Variants in GALE observed in about 807,000 individuals in gnomAD.
The protein encoded by GALE is UDP-glucose 4-epimerase.
In GALE, 32 loss-of-function variants were observed where a neutral mutation model predicts 44.1. The ratio of observed to expected loss-of-function variants is 0.73; its 90% CI spans 0.55 to 0.97. GALE has a LOEUF of 0.97. Ranked by LOEUF, GALE falls within the 50% of genes least tolerant of loss-of-function variation. The pLI is 0.00. For synonymous variants in GALE, 182 were observed against 183.5 expected (o/e 0.99, Z 0.06); for missense variants, 423 against 455.6 (o/e 0.93, Z 0.65).
Position 23,798,020 on chromosome 1 carries a change from G to T in GALE, c.351+97C>A. 1 of 1,320,838 alleles carries T rather than the reference G, an allele frequency of 7.6e-7. No individual in the cohort carries two copies. Among genetic ancestry groups the T allele is most frequent in the South Asian group, 1.2e-5 (1 of 85,070 alleles). 81.8% of individuals were successfully genotyped at this position (1,320,838 alleles called of 1,614,324 possible). ...CTGGGAGGTAAAGACATGAGTCCAGGATGATACAGCTTGGGCTCTGTGTTT... is the reference window on the plus strand; with the variant it reads ...CTGGGAGGTAAAGACATGAGTCCAGTATGATACAGCTTGGGCTCTGTGTTT... On this transcript the variant is annotated intron_variant, in intron 5 of 11. Transcript: ENST00000617979. The surrounding 1 kb of genome is among the most constrained non-coding windows in gnomAD (Gnocchi z 4.5).
At position 23,796,606 on chromosome 1, in the gene GALE, G is replaced by A. The variant is rs1321761968; in HGVS notation, c.796-20C>T. On this transcript the variant is annotated intron_variant, in intron 9 of 11. Coordinates refer to ENST00000617979, the MANE Select transcript of GALE (RefSeq NM_001008216.2). This position sits in a 1 kb window ranked among gnomAD's most constrained non-coding sequence, Gnocchi z 5.2. The stretch of plus-strand genomic sequence containing the variant: ...GTAGATCTGGCCCACGGAGAACAGG[G>A]TTTATGGAGCGGGCTGGACTGACCA... The A allele has an allele frequency of 6.2e-7, 1 of 1,613,996 alleles. No homozygotes were observed. Among genetic ancestry groups the A allele is most frequent in the Non-Finnish European group, 8.5e-7 (1 of 1,179,988 alleles).
Position 23,798,002 on chromosome 1 carries a change from G to T in GALE, c.351+115C>A. On this transcript the variant is annotated intron_variant, in intron 5 of 11. Transcript: ENST00000617979. The surrounding 1 kb of genome is among the most constrained non-coding windows in gnomAD (Gnocchi z 4.5). ...CAGATGGGGAAACTGAGACTGGGAG[G>T]TAAAGACATGAGTCCAGGATGATAC... 7.6e-7 allele frequency: 1 copy of T among 1,311,438 alleles called. No homozygotes were observed. Among genetic ancestry groups the T allele is most frequent in the Admixed American group, 1.7e-5 (1 of 58,728 alleles). 81.2% of individuals were successfully genotyped at this position (1,311,438 alleles called of 1,614,324 possible).
chr1:23,798,741 A>G lies in GALE; in HGVS notation c.122-11T>C. ...GCAGGGAGCCCCCTCCTGGTAGGGT[A>G]CATGTAGGCCACATCATCACGACAT... On this transcript the variant is annotated splice_polypyrimidine_tract_variant and intron_variant, in intron 3 of 11. Coordinates refer to ENST00000617979, the MANE Select transcript of GALE (RefSeq NM_001008216.2). This position sits in a 1 kb window ranked among gnomAD's most constrained non-coding sequence, Gnocchi z 4.5. 1.2e-6 allele frequency: 2 copies of G among 1,611,932 alleles called. No homozygotes were observed. The highest frequency in any genetic ancestry group is 1.7e-6 in the Non-Finnish European group (2 of 1,177,966).
At chr1:23,797,557 TG>T in intron 6 of GALE, 137 bp downstream of exon 6, 1 of 822,952 alleles carries the variant, frequency 1.2e-6, no homozygotes, top group Non-Finnish European at 2.1e-6. Context: ...AAGCAGGGGA[TG>T]GGGCCCTCCA....
chr1:23,798,612 C>T lies in GALE; in HGVS notation c.237+3G>A. On this transcript the variant is annotated splice_donor_region_variant and intron_variant, in intron 4 of 11. Transcript: ENST00000617979. This position sits in a 1 kb window ranked among gnomAD's most constrained non-coding sequence, Gnocchi z 4.5. ...TGAGCCACCGTGCCCAGCCTGCACC[C>T]ACCTTTTTGAAGAGACGCTGTAGGG... 6.2e-7 allele frequency: 1 copy of T among 1,607,720 alleles called. No homozygotes were observed. The highest frequency in any genetic ancestry group is 8.5e-7 in the Non-Finnish European group (1 of 1,174,364).
At position 23,799,385 on chromosome 1, in the gene GALE, G is replaced by GCGACC; in HGVS notation, c.-26_-25insGGTCG. 3 of 349,216 alleles carry GCGACC rather than the reference G, an allele frequency of 8.6e-6. No homozygotes were observed. The highest frequency in any genetic ancestry group is 2.3e-5 in the South Asian group (1 of 43,356). The allele number at this position is 349,216 out of a possible 1,614,324, so 21.6% of individuals were successfully genotyped here. A position where few individuals can be genotyped will look rare whatever the true frequency, so the allele number is the denominator to read the frequency against. On this transcript the variant is annotated 5_prime_UTR_variant, in exon 2 of 12. Transcript: ENST00000617979. The stretch of plus-strand genomic sequence containing the variant: ...ACTTGCCTTGGAGTTGGAAAAGATG[G>GCGACC]AATCTGAGGATCCACACTTCTTTGT...
rs1322820599 is a variant in GALE at position 23,798,351 on chromosome 1, C to T, written c.238-121G>A. ...TGACAGTCTCGCTCTGTTGTCCAGG[C>T]TGGAGTACAGTGGTGCCATCTCAGC... On this transcript the variant is annotated intron_variant, in intron 4 of 11. Coordinates refer to ENST00000617979, the MANE Select transcript of GALE (RefSeq NM_001008216.2). This position sits in a 1 kb window ranked among gnomAD's most constrained non-coding sequence, Gnocchi z 4.5. 5.2e-6 allele frequency: 4 copies of T among 776,284 alleles called. No homozygotes were observed. The East Asian group carries it at 8.0e-5, about 16-fold the overall frequency. 48.1% of individuals were successfully genotyped at this position (776,284 alleles called of 1,614,324 possible). A position where few individuals can be genotyped will look rare whatever the true frequency, so the allele number is the denominator to read the frequency against.
intron 6 of GALE, 135 bp downstream of exon 6, chr1:23,797,557 TGGG>T: frequency 1.2e-6 from 1 of 822,952 alleles, no homozygotes; most frequent in Non-Finnish European, 2.1e-6. Flanking sequence ...AAGCAGGGGA[TGGG>T]GCCCTCCACT....
Position 23,795,860 on chromosome 1 carries a change from G to T in GALE, c.*89C>A, listed in dbSNP as rs1279151122. 8 of 1,356,540 alleles carry T rather than the reference G, an allele frequency of 5.9e-6. No homozygotes were observed. The highest frequency in any genetic ancestry group is 8.4e-6 in the Non-Finnish European group (8 of 957,402). The allele number at this position is 1,356,540 out of a possible 1,614,324, so 84.0% of individuals were successfully genotyped here. A position where few individuals can be genotyped will look rare whatever the true frequency, so the allele number is the denominator to read the frequency against. ...TTGAGGTAGGGGAGGCCTTGGCTTG[G>T]CCCCAGCAGCTCCAGGGCCCTGAGT... On this transcript the variant is annotated 3_prime_UTR_variant, in exon 12 of 12. Transcript: ENST00000617979.
chr1:23,799,493 C>G (rs1199604174), intron 1 of GALE, 57 bp from the exon 2 acceptor site: 1 of 266,826 alleles, frequency 3.7e-6, no homozygotes, highest in Non-Finnish European at 7.4e-6. Flanking sequence ...GGAAGGGGTT[C>G]TGTCTGCTCA....
At chr1:23,797,008 C>A (rs781703014) in intron 7 of GALE, 26 bp downstream of exon 7, 2 of 1,607,794 alleles carry the variant, frequency 1.2e-6, no homozygotes, top group South Asian at 1.1e-5. Context: ...CAGGGCCACT[C>A]CTCTGTCCCT....
At position 23,796,769 on chromosome 1, in the gene GALE, G is replaced by A. The variant is rs777457188; in HGVS notation, c.723C>T (p.Tyr241=). 1.2e-6 allele frequency: 2 copies of A among 1,611,156 alleles called. No homozygotes were observed. The highest frequency in any genetic ancestry group is 2.2e-5 in the East Asian group (1 of 44,872). ...CCTTGGCCAGATCCACGACATGGAT[G>A]TAATCCCGGACACCTGCAGAGAAGG... The part of the protein sequence containing the change: ...DTEDGTGVRD[Y]IHVVDLAKGH... Residue 241 remains tyrosine (Y), a synonymous_variant, in exon 9 of 12, where the codon TAC becomes TAT. Coordinates refer to ENST00000617979, the MANE Select transcript of GALE (RefSeq NM_001008216.2). The surrounding 1 kb of genome is among the most constrained non-coding windows in gnomAD (Gnocchi z 5.2).
chr1:23,798,578 T>A lies in GALE; in HGVS notation c.237+37A>T, dbSNP rs768920635. The A allele has an allele frequency of 6.8e-7, 1 of 1,468,676 alleles. No homozygotes were observed. The highest frequency in any genetic ancestry group is 9.5e-7 in the Non-Finnish European group (1 of 1,048,842). The allele number at this position is 1,468,676 out of a possible 1,614,324, so 91.0% of individuals were successfully genotyped here. A position where few individuals can be genotyped will look rare whatever the true frequency, so the allele number is the denominator to read the frequency against. On this transcript the variant is annotated intron_variant, in intron 4 of 11. Transcript: ENST00000617979. The surrounding 1 kb of genome is among the most constrained non-coding windows in gnomAD (Gnocchi z 4.5). ...ACCTCGGCCTTCCAAAGTGCTGGAA[T>A]TACAGGCGTGAGCCACCGTGCCCAG...
Position 23,797,776 on chromosome 1 carries a change from G to T in GALE, c.447C>A (p.Pro149=). ...CGTAAGGGTTGGTACAACCACCCGT[G>T]GGGTGGGCCTCATCAAGGGGCAGGT... The part of the protein sequence containing the change: ...PQYLPLDEAH[P]TGGCTNPYGK... The change falls in exon 6 of 12, where the codon CCC becomes CCA. Residue 149 remains proline (P), a synonymous_variant. Coordinates refer to ENST00000617979, the MANE Select transcript of GALE (RefSeq NM_001008216.2). 6.2e-7 allele frequency: 1 copy of T among 1,613,744 alleles called. No homozygotes were observed. Among genetic ancestry groups the T allele is most frequent in the Non-Finnish European group, 8.5e-7 (1 of 1,179,626 alleles).
chr1:23,798,637 G>A lies in GALE; in HGVS notation c.215C>T (p.Ala72Val), dbSNP rs758891737. The change falls in exon 4 of 12, where the codon GCC becomes GTC. Residue 72 changes from alanine to valine, a missense_variant. Transcript: ENST00000617979. The surrounding 1 kb of genome is among the most constrained non-coding windows in gnomAD (Gnocchi z 4.5). ...CACCTTTTTGAAGAGACGCTGTAGG[G>A]CTCCCTGGTCCAAAATGTCCATCTC... ...FEEMDILDQG[A>V]LQRLFKKYSF... 1.2e-6 allele frequency: 2 copies of A among 1,613,538 alleles called. No individual in the cohort carries two copies.
At position 23,798,011 on chromosome 1, in the gene GALE, T is replaced by A; in HGVS notation, c.351+106A>T. 1 of 1,313,384 alleles carries A rather than the reference T, an allele frequency of 7.6e-7. No individual in the cohort carries two copies. The highest frequency in any genetic ancestry group is 1.4e-5 in the African/African-American group (1 of 68,982). The allele number at this position is 1,313,384 out of a possible 1,614,324, so 81.4% of individuals were successfully genotyped here. A position where few individuals can be genotyped will look rare whatever the true frequency, so the allele number is the denominator to read the frequency against. ...AAACTGAGACTGGGAGGTAAAGACATGAGTCCAGGATGATACAGCTTGGGC... is the reference window on the plus strand; with the variant it reads ...AAACTGAGACTGGGAGGTAAAGACAAGAGTCCAGGATGATACAGCTTGGGC... On this transcript the variant is annotated intron_variant, in intron 5 of 11. Transcript: ENST00000617979. This position sits in a 1 kb window ranked among gnomAD's most constrained non-coding sequence, Gnocchi z 4.5.
rs563824385 is a variant in GALE at position 23,798,140 on chromosome 1, T to C, written c.328A>G (p.Thr110Ala). The change falls in exon 5 of 12, where the codon ACC (threonine) becomes GCC (alanine). Residue 110 changes from threonine to alanine, a missense_variant. Physicochemically the swap from Thr to Ala is moderately conservative, Grantham distance 58. Transcript: ENST00000617979. This position sits in a 1 kb window ranked among gnomAD's most constrained non-coding sequence, Gnocchi z 4.5. Reference sequence around the variant, plus strand: ...ACCTCCAGAAGCTGGATGGTCCCGGTCAGGTTAACTCTGTAATAATCCAGA... The same window carrying C: ...ACCTCCAGAAGCTGGATGGTCCCGGCCAGGTTAACTCTGTAATAATCCAGA... Reference protein sequence around the residue: ...KPLDYYRVNLTGTIQLLEIMK... With the variant: ...KPLDYYRVNLAGTIQLLEIMK... 4.3e-6 allele frequency: 7 copies of C among 1,614,042 alleles called. No individual in the cohort carries two copies. In the African/African-American group the frequency reaches 8.0e-5, roughly 18 times the overall value.
chr1:23,795,877 G>GC lies in GALE; in HGVS notation c.*71dup. The GC allele has an allele frequency of 6.8e-7, 1 of 1,473,166 alleles. No homozygotes were observed. Among genetic ancestry groups the GC allele is most frequent in the Non-Finnish European group, 9.5e-7 (1 of 1,057,928 alleles). 91.3% of individuals were successfully genotyped at this position (1,473,166 alleles called of 1,614,324 possible). A position where few individuals can be genotyped will look rare whatever the true frequency, so the allele number is the denominator to read the frequency against. On this transcript the variant is annotated 3_prime_UTR_variant, in exon 12 of 12. Transcript: ENST00000617979. ...TTGGCTTGGCCCCAGCAGCTCCAGG[G>GC]CCCTGAGTTCCTGCCAGAGGCTGGA...
chr1:23,795,881 T>G lies in GALE; in HGVS notation c.*68A>C, dbSNP rs1482922413. The stretch of plus-strand genomic sequence containing the variant: ...CTTGGCCCCAGCAGCTCCAGGGCCC[T>G]GAGTTCCTGCCAGAGGCTGGAGAGC... On this transcript the variant is annotated 3_prime_UTR_variant, in exon 12 of 12. Transcript: ENST00000617979. The G allele has an allele frequency of 8.6e-6, 13 of 1,511,392 alleles. No individual in the cohort carries two copies. In the East Asian group the frequency reaches 2.5e-4, roughly 29 times the overall value. The allele number at this position is 1,511,392 out of a possible 1,614,324, so 93.6% of individuals were successfully genotyped here.
Sources: gnomAD v4.1 joint callset for allele counts on GRCh38, gnomAD v4.1.1 for gene constraint, Gnocchi (gnomAD v3.1) non-coding constraint, MANE v1.5 for transcripts, NCBI Gene and HGNC (gene_info 2026-07-23, HGNC 2026-07-21) for gene names.